Variants in EXOC6 observed in about 807,000 individuals in gnomAD.
EXOC6 encodes the protein SEC15-like 1.
EXOC6 carries 60 observed loss-of-function variants against 112.5 expected under a neutral mutation model. The ratio of observed to expected loss-of-function variants is 0.53; its 90% CI spans 0.43 to 0.66. The LOEUF is 0.66. Among genes scored for constraint, EXOC6 ranks in the 30% least tolerant of loss-of-function variants. EXOC6 has a pLI of 0.00. For synonymous variants in EXOC6, 295 were observed against 308.0 expected (o/e 0.96, Z 0.44); for missense variants, 855 against 957.1 (o/e 0.89, Z 1.41).
At chr10:92,842,473 A>G (rs968062506) in intron 1 of EXOC6, among the ~76,000 whole-genome samples, 1 of 150,704 alleles carries the variant, frequency 6.6e-6, no homozygotes, top group African/African-American at 2.4e-5. Context: ...CATCATCATC[A>G]TTTCATTAGC....
intron 6 of EXOC6, among the ~76,000 whole-genome samples, chr10:92,910,486 C>CA (rs1850684023): frequency 6.6e-6 from 1 of 151,870 alleles, no homozygotes; most frequent in Admixed American, 6.6e-5. Context: ...GGAAAGGACA[C>CA]AAGGGGACTT....
At chr10:92,837,540 G>A (rs1846701540) in intron 1 of EXOC6, among the ~76,000 whole-genome samples, 1 of 152,276 alleles carries the variant, frequency 6.6e-6, no homozygotes, top group Non-Finnish European at 1.5e-5. Context: ...GCTTGTGCCT[G>A]TAGTCTCAGC....
intron 1 of EXOC6, among the ~76,000 whole-genome samples, chr10:92,868,815 C>CTTTT (rs370569114): frequency 7.4e-6 from 1 of 135,914 alleles, no homozygotes. Flanking sequence ...CTCCCTCCCT[C>CTTTT]TTTTTTTTTT....
At chr10:92,924,319 C>T (rs9633696) in intron 8 of EXOC6, among the ~76,000 whole-genome samples, 44,682 of 151,986 alleles carry the variant, frequency 0.29, 7,373 homozygotes, top group East Asian at 0.73. Flanking sequence ...AGAAAAACAC[C>T]TTTAAACAGC....
chr10:92,874,415 T>C (rs1451602920), intron 1 of EXOC6, among the ~76,000 whole-genome samples: 1 of 139,022 alleles, frequency 7.2e-6, no homozygotes, highest in Non-Finnish European at 1.6e-5. Flanking sequence ...CCATTCTTTA[T>C]ATTGTGACAC....
rs182800474 is a variant in EXOC6 at position 93,003,692 on chromosome 10, T to C, written c.2095+6077T>C. ...ATAGTCTGGCTGGGTACGAGACAGG[T>C]ACATAACTGTAATAGAGCATAATTA... On this transcript the variant is annotated intron_variant, in intron 19 of 21. Coordinates refer to ENST00000260762, the MANE Select transcript of EXOC6 (RefSeq NM_019053.6). Among the ~76,000 whole-genome samples, 192 of 152,328 alleles carry C rather than the reference T, an allele frequency of 1.3e-3. 1 individual carries two copies. Among genetic ancestry groups the C allele is most frequent in the African/African-American group, 4.4e-3 (181 of 41,594 alleles).
rs367780980 is a variant in EXOC6 at position 92,978,408 on chromosome 10, C to CA, written c.1953+4185dup. On this transcript the variant is annotated intron_variant, in intron 18 of 21. Transcript: ENST00000260762. ...TTGGGTGACAGAGTGAGACCTGTCT[C>CA]AAAAAAAAACAAAAGAGAAAAATGG... Among the ~76,000 whole-genome samples the CA allele has an allele frequency of 1.6e-3, 236 of 143,240 alleles. 1 individual carries two copies. Among genetic ancestry groups the CA allele is most frequent in the Middle Eastern group, 7.1e-3 (2 of 280 alleles). 94.0% of individuals were successfully genotyped at this position (143,240 alleles called of 152,430 possible).
intron 20 of EXOC6, among the ~76,000 whole-genome samples, chr10:93,052,362 T>C (rs1410595099): frequency 6.6e-6 from 1 of 152,190 alleles, no homozygotes; most frequent in Admixed American, 6.5e-5. Context: ...TTGACACAAA[T>C]GAATTCCTCA....
intron 8 of EXOC6, among the ~76,000 whole-genome samples, chr10:92,920,339 T>G (rs992288269): frequency 6.6e-6 from 1 of 152,224 alleles, no homozygotes; most frequent in Non-Finnish European, 1.5e-5. Context: ...CTTTTACATG[T>G]GTATTCCATA....
At chr10:92,970,120 G>A (rs1487224537) in intron 17 of EXOC6, among the ~76,000 whole-genome samples, 1 of 152,062 alleles carries the variant, frequency 6.6e-6, no homozygotes, top group African/African-American at 2.4e-5. Context: ...TATGTGCCAA[G>A]CACTGTTCTC....
intron 19 of EXOC6, among the ~76,000 whole-genome samples, chr10:93,008,742 A>G (rs1306345543): frequency 6.6e-6 from 1 of 152,206 alleles, no homozygotes; most frequent in African/African-American, 2.4e-5. Flanking sequence ...CCTAGGTGAC[A>G]GGTATGGTGT....
chr10:93,021,740 C>T (rs959095396), intron 20 of EXOC6, among the ~76,000 whole-genome samples: 15 of 152,212 alleles, frequency 9.9e-5, no homozygotes, highest in African/African-American at 3.4e-4. Context: ...GTTGCAAGGA[C>T]GTAAACATAT....
intron 7 of EXOC6, chr10:92,916,136 A>G (rs1157890776): frequency 1.4e-5 from 5 of 344,992 alleles, no homozygotes; most frequent in Non-Finnish European, 2.1e-5. Flanking sequence ...ATCAGGAGCT[A>G]TCACAATAAA....
chr10:92,863,402 A>AT, intron 1 of EXOC6, among the ~76,000 whole-genome samples: 1 of 152,280 alleles, frequency 6.6e-6, no homozygotes, highest in African/African-American at 2.4e-5. Context: ...CTTGCATTTC[A>AT]TTTTTTGTAA....
intron 18 of EXOC6, among the ~76,000 whole-genome samples, chr10:92,975,252 G>T (rs1842472580): frequency 6.6e-6 from 1 of 151,702 alleles, no homozygotes; most frequent in Admixed American, 6.6e-5. Flanking sequence ...CCTCTACCCG[G>T]CCGCGACCCC....
rs1001351005 is a variant in EXOC6 at position 93,039,066 on chromosome 10, C to A, written c.2170-17858C>A. Reference sequence around the variant, plus strand: ...GGTCATGGTGGCTCATGCCTGTAATCCCAGCACTTTGGGAGACCAAAAGGT... The same window carrying A: ...GGTCATGGTGGCTCATGCCTGTAATACCAGCACTTTGGGAGACCAAAAGGT... On this transcript the variant is annotated intron_variant, in intron 20 of 21. Transcript: ENST00000260762. 4.6e-5 allele frequency among the ~76,000 whole-genome samples: 7 copies of A among 152,174 alleles called. No homozygotes were observed. In the East Asian group the frequency reaches 1.4e-3, roughly 29 times the overall value.
intron 17 of EXOC6, among the ~76,000 whole-genome samples, chr10:92,968,805 A>G (rs1421476925): frequency 6.6e-6 from 1 of 152,354 alleles, no homozygotes; most frequent in East Asian, 1.9e-4. Context: ...CATTTCATAA[A>G]TAAGAAATTA....
Position 92,974,260 on chromosome 10 carries a change from T to A in EXOC6, c.1953+28T>A, listed in dbSNP as rs763934228. ...AAGTATAAAAATTTTCAAAAATTGT[T>A]TTATGTTTGCTTACTAAAGTATATT... On this transcript the variant is annotated intron_variant, in intron 18 of 21. Coordinates refer to ENST00000260762, the MANE Select transcript of EXOC6 (RefSeq NM_019053.6). The A allele has an allele frequency of 4.1e-6, 6 of 1,468,758 alleles. No homozygotes were observed. The East Asian group carries it at 1.5e-4, about 36-fold the overall frequency. The allele number at this position is 1,468,758 out of a possible 1,614,324, so 91.0% of individuals were successfully genotyped here. A position where few individuals can be genotyped will look rare whatever the true frequency, so the allele number is the denominator to read the frequency against.
At chr10:92,930,455 A>G (rs1436042041) in intron 9 of EXOC6, among the ~76,000 whole-genome samples, 2 of 152,096 alleles carry the variant, frequency 1.3e-5, no homozygotes, top group Non-Finnish European at 2.9e-5. Flanking sequence ...GTGAGCCGAC[A>G]TCGCACCATT....
Sources: allele counts gnomAD v4.1 joint callset (sites outside exome capture counted in the v4.1 genomes callset), GRCh38; gene constraint gnomAD v4.1.1; transcripts MANE v1.5; gene names NCBI Gene and HGNC (gene_info 2026-07-23, HGNC 2026-07-21).